The following SLIT1 variants were observed in gnomAD, a reference collection of about 807,000 sequenced individuals.
SLIT1 encodes the protein slit homolog 1 protein.
SLIT1 carries 66 observed loss-of-function variants against 186.1 expected under a neutral mutation model. The observed-to-expected ratio is 0.35, with a 90% CI of 0.29 to 0.44. SLIT1 has a LOEUF of 0.44. Among genes scored for constraint, SLIT1 ranks in the 20% least tolerant of loss-of-function variants. The probability of loss-of-function intolerance (pLI) is 1.00; values close to 1 mark genes in which losing one functional copy is unlikely to be tolerated. For synonymous variants in SLIT1, 761 were observed against 833.8 expected (o/e 0.91, Z 1.50); for missense variants, 1,638 against 2,037.4 (o/e 0.80, Z 3.77).
At chr10:97,023,977 G>A (rs1369809187) in intron 25 of SLIT1, among the ~76,000 whole-genome samples, 2 of 151,616 alleles carry the variant, frequency 1.3e-5, no homozygotes, top group African/African-American at 4.8e-5. Context: ...GAGGAAGGAA[G>A]GAAAGGAGGG....
intron 4 of SLIT1, among the ~76,000 whole-genome samples, chr10:97,123,809 G>A (rs977906132): frequency 1.3e-5 from 2 of 149,304 alleles, no homozygotes; most frequent in African/African-American, 4.9e-5. Context: ...AAAAAAACTG[G>A]AGACAGAGTA....
chr10:97,098,361 A>G (rs1849313723), intron 4 of SLIT1, among the ~76,000 whole-genome samples: 2 of 152,204 alleles, frequency 1.3e-5, no homozygotes, highest in African/African-American at 4.8e-5. Context: ...AACTGGGATG[A>G]AGCCAAGCTG....
intron 4 of SLIT1, among the ~76,000 whole-genome samples, chr10:97,148,547 T>G (rs910511921): frequency 8.5e-5 from 13 of 152,168 alleles, no homozygotes; most frequent in Non-Finnish European, 1.6e-4. Flanking sequence ...CCCAAAGTGT[T>G]GGGATTATAA....
chr10:97,014,161 G>T lies in SLIT1; in HGVS notation c.2970-3C>A, dbSNP rs116028202. On this transcript the variant is annotated splice_region_variant and splice_polypyrimidine_tract_variant and intron_variant, in intron 28 of 36. Coordinates refer to ENST00000266058, the MANE Select transcript of SLIT1 (RefSeq NM_003061.3). ...CAAAGCCGGTGGGACAGGAGCACCTGTGCGGGGAAGGGGAGGATGGAGAGA... is the reference window on the plus strand; with the variant it reads ...CAAAGCCGGTGGGACAGGAGCACCTTTGCGGGGAAGGGGAGGATGGAGAGA... 942 of 1,613,272 alleles carry T rather than the reference G, an allele frequency of 5.8e-4. 6 individuals carry two copies. The African/African-American group carries it at 0.011, about 19-fold the overall frequency.
chr10:97,029,777 C>G (rs1321308700), intron 25 of SLIT1, among the ~76,000 whole-genome samples: 1 of 152,196 alleles, frequency 6.6e-6, no homozygotes, highest in Non-Finnish European at 1.5e-5. Context: ...TCATTAAACA[C>G]CAACTCCCCA....
At chr10:97,040,765 C>G (rs547934169) in intron 20 of SLIT1, among the ~76,000 whole-genome samples, 1 of 152,330 alleles carries the variant, frequency 6.6e-6, no homozygotes, top group East Asian at 1.9e-4. Flanking sequence ...CACACCATCC[C>G]TTCATTGATT....
rs114926090 is a variant in SLIT1, at chr10:97,070,870, C to T, written c.414-4784G>A. The stretch of plus-strand genomic sequence containing the variant: ...AGGTCTTGCTGTCACCCAGGCCAGA[C>T]TGCAGTGGCACAATCATAGCACACT... On this transcript the variant is annotated intron_variant, in intron 4 of 36. Transcript: ENST00000266058. Among the ~76,000 whole-genome samples, 1,326 of 152,292 alleles carry T rather than the reference C, an allele frequency of 8.7e-3. 20 individuals carry two copies. Among genetic ancestry groups the T allele is most frequent in the African/African-American group, 0.028 (1,170 of 41,556 alleles).
intron 4 of SLIT1, among the ~76,000 whole-genome samples, chr10:97,117,248 A>T (rs1468486795): frequency 6.6e-6 from 1 of 151,910 alleles, no homozygotes; most frequent in Admixed American, 6.6e-5. Context: ...AGAATAAAGC[A>T]TGTGAAGTGG....
chr10:97,030,396 T>C (rs2817674), intron 25 of SLIT1, among the ~76,000 whole-genome samples: 38,445 of 152,134 alleles, frequency 0.25, 7,857 homozygotes, highest in African/African-American at 0.56. Flanking sequence ...TGTGCAGCTT[T>C]GGGCAAGCAT....
At chr10:97,179,796 A>ACCCCCCCCCCCCCCCCCCCCCCCCCC (rs1411663173) in intron 1 of SLIT1, among the ~76,000 whole-genome samples, 3 of 103,106 alleles carry the variant, frequency 2.9e-5, no homozygotes, top group Non-Finnish European at 4.4e-5. Flanking sequence ...AATTCTCCAC[A>ACCCCCCCCCCCCCCCCCCCCCCCCCC]CCCTCCCCGC....
intron 4 of SLIT1, among the ~76,000 whole-genome samples, chr10:97,136,859 T>A (rs1360249371): frequency 6.6e-6 from 1 of 152,160 alleles, no homozygotes; most frequent in East Asian, 1.9e-4. Context: ...CTTCTGGATG[T>A]GAGCTGATAT....
intron 4 of SLIT1, among the ~76,000 whole-genome samples, chr10:97,141,963 C>T (rs908825599): frequency 6.6e-6 from 1 of 152,008 alleles, no homozygotes; most frequent in Non-Finnish European, 1.5e-5. Flanking sequence ...CCACACCCAG[C>T]GAATTTTTTT....
chr10:97,153,405 C>T (rs1420600440), intron 4 of SLIT1: 3 of 152,262 alleles, frequency 2.0e-5, no homozygotes, highest in Non-Finnish European at 4.4e-5. Context: ...CTCTCAAACC[C>T]ATTTTCATGC....
In SLIT1 at chr10:97,018,666, C is replaced by T. The variant is rs1283002663; in HGVS notation, c.2889G>A (p.Val963=). ...GGCCACTGGAACAGCTGTCCAGGGA[C>T]ACCTCACAGTCTCGACCCTGGGGGG... The part of the protein sequence containing the change: ...PSGYKGRDCE[V]SLDSCSSGPC... The change falls in exon 28 of 37, where the codon GTG becomes GTA. Residue 963 remains valine (V), a synonymous_variant. Transcript: ENST00000266058. 11 of 1,589,016 alleles carry T rather than the reference C, an allele frequency of 6.9e-6. No individual in the cohort carries two copies. The East Asian group carries it at 2.1e-4, about 30-fold the overall frequency.
chr10:97,002,397 G>A, intron 35 of SLIT1, 28 bp from the exon 36 acceptor site: 14 of 1,543,378 alleles, frequency 9.1e-6, no homozygotes, highest in Non-Finnish European at 1.2e-5. Context: ...AAGGCGCTGT[G>A]AGGACAAACC....
intron 4 of SLIT1, among the ~76,000 whole-genome samples, chr10:97,081,465 C>T (rs11189004): frequency 0.37 from 56,072 of 152,002 alleles, 11,630 homozygotes; most frequent in African/African-American, 0.56. Flanking sequence ...ATGGGGTCCA[C>T]TTCTCTACCA....
chr10:97,055,369 CTG>C (rs1342595604), intron 13 of SLIT1, among the ~76,000 whole-genome samples: 5 of 152,140 alleles, frequency 3.3e-5, no homozygotes, highest in Non-Finnish European at 2.9e-5. Context: ...ACATAGCACT[CTG>C]TTTTTTTTTG....
At chr10:97,048,463 G>C (rs1410482798) in intron 14 of SLIT1, among the ~76,000 whole-genome samples, 1 of 152,162 alleles carries the variant, frequency 6.6e-6, no homozygotes, top group Non-Finnish European at 1.5e-5. Context: ...TGTCTTAAAA[G>C]GCTTGACAAC....
chr10:97,185,808 G>A lies in SLIT1; in HGVS notation c.-134C>T, dbSNP rs1850407499. 1.3e-6 allele frequency: 1 copy of A among 750,866 alleles called. No individual in the cohort carries two copies. Among genetic ancestry groups the A allele is most frequent in the Non-Finnish European group, 1.9e-6 (1 of 512,820 alleles). The allele number at this position is 750,866 out of a possible 1,614,324, so 46.5% of individuals were successfully genotyped here. ...GCGGGCTTGCGCGCGGCGCCCCTGC[G>A]GGCTGGGAGGCACCTTGCTCCTCCA... On this transcript the variant is annotated 5_prime_UTR_variant, in exon 1 of 37. Transcript: ENST00000266058.
Sources: gnomAD v4.1 joint callset for allele counts (sites outside exome capture counted in the v4.1 genomes callset) on GRCh38, gnomAD v4.1.1 for gene constraint, MANE v1.5 for transcripts, NCBI Gene and HGNC (gene_info 2026-07-23, HGNC 2026-07-21) for gene names.